The following ATM variants were observed in gnomAD, a reference collection of about 807,000 sequenced individuals.
ATM encodes ATM serine/threonine kinase.
In ATM, 308 loss-of-function variants were observed where a neutral mutation model predicts 387.0. That is an observed-to-expected ratio of 0.80 (90% confidence interval 0.73 to 0.87). The LOEUF (loss-of-function observed/expected upper bound fraction) is 0.87, where lower values mean the gene tolerates loss of function less well. Ranked by LOEUF, ATM falls within the 40% of genes least tolerant of loss-of-function variation. The pLI, the probability that ATM is intolerant of heterozygous loss-of-function variation, is 0.00. For synonymous variants in ATM, 1,156 were observed against 1,187.3 expected, an observed-to-expected ratio of 0.97 and a Z score of 0.54; for missense variants, 3,312 against 3,560.9, an observed-to-expected ratio of 0.93 and a Z score of 1.78.
At chr11:108,351,918 G>A (rs907236738) in intron 59 of ATM, among the ~76,000 whole-genome samples, 7 of 151,900 alleles carry the variant, frequency 4.6e-5, no homozygotes, top group Non-Finnish European at 8.8e-5. Context: ...GGACATATCC[G>A]GGGAACCTGG....
intron 56 of ATM, 34 bp from the exon 57 acceptor site, chr11:108,343,188 T>A: frequency 6.2e-7 from 1 of 1,613,614 alleles, no homozygotes; most frequent in Non-Finnish European, 8.5e-7. Context: ...TAATGGCCTT[T>A]TAAAATTAAA....
At chr11:108,338,093 A>T (rs185493897) in intron 56 of ATM, among the ~76,000 whole-genome samples, 1 of 152,398 alleles carries the variant, frequency 6.6e-6, no homozygotes, top group East Asian at 1.9e-4. Context: ...CCACGCCTGT[A>T]ATCCCAGTAC....
intron 22 of ATM, among the ~76,000 whole-genome samples, chr11:108,275,631 G>A (rs2081902220): frequency 6.6e-6 from 1 of 152,138 alleles, no homozygotes; most frequent in Non-Finnish European, 1.5e-5. Context: ...AGCTTAGTTT[G>A]GCTGGATATG....
intron 5 of ATM, among the ~76,000 whole-genome samples, chr11:108,240,215 AT>A (rs201137199): frequency 5.1e-4 from 78 of 151,540 alleles, no homozygotes; most frequent in African/African-American, 1.8e-3. Flanking sequence ...AGATGGTCAT[AT>A]TTTTTTTTCC....
In ATM at chr11:108,334,931, A is replaced by G. The variant is rs200440370; in HGVS notation, c.8011-38A>G. ...ATTTTTCTTTAAGTGCAAATAGTGT[A>G]TCTGACCTATTATCAATCATGTTTA... On this transcript the variant is annotated intron_variant, in intron 54 of 62. Coordinates refer to ENST00000675843, the MANE Select transcript of ATM (RefSeq NM_000051.4). The G allele has an allele frequency of 3.7e-4, 591 of 1,590,306 alleles. 3 individuals are homozygous for G. In the African/African-American group the frequency reaches 6.8e-3, roughly 18 times the overall value.
chr11:108,315,650 G>A (rs761075382), intron 40 of ATM, among the ~76,000 whole-genome samples, 173 bp from the exon 41 acceptor site: 7 of 151,872 alleles, frequency 4.6e-5, no homozygotes, highest in South Asian at 2.1e-4. Context: ...GTTCAAACTC[G>A]TGTTGTTTGA....
At chr11:108,248,884 G>A (rs779483845) in intron 8 of ATM, 49 bp from the exon 9 acceptor site, 9 of 1,436,624 alleles carry the variant, frequency 6.3e-6, no homozygotes, top group Non-Finnish European at 3.8e-6. Flanking sequence ...GCGAAACTCT[G>A]GCTCAAAAAA....
Position 108,244,966 on chromosome 11 carries a change from G to A in ATM, c.841G>A (p.Glu281Lys), listed in dbSNP as rs1591504491. The part of the protein sequence containing the change: ...LNDSLKEVII[E>K]LFQLQIYIHH... The stretch of plus-strand genomic sequence containing the variant: ...TGATTCTTTAAAAGAAGTCATTATT[G>A]AATTATTTCAACTGCAAATTTATAT... The change falls in exon 7 of 63, where the codon GAA becomes AAA. Residue 281 changes from glutamate to lysine, a missense_variant. By Grantham distance (56) the Glu-to-Lys change is moderately conservative. Around this residue, in one of 4 missense-constraint regions of ATM, gnomAD observed 1,791 missense variants for 1,804.5 expected, o/e 0.99. Transcript: ENST00000675843. 6.2e-7 allele frequency: 1 copy of A among 1,612,990 alleles called. No individual in the cohort carries two copies.
At chr11:108,347,704 G>A (rs1430673741) in intron 59 of ATM, among the ~76,000 whole-genome samples, 2 of 152,154 alleles carry the variant, frequency 1.3e-5, no homozygotes, top group African/African-American at 4.8e-5. Flanking sequence ...TGTTGTGGGA[G>A]TGGTGAGACA....
In ATM at chr11:108,292,759, C is replaced by T. The variant is rs770590652; in HGVS notation, c.4577C>T (p.Pro1526Leu). The change falls in exon 30 of 63, where the codon CCC becomes CTC. Residue 1526 changes from proline (P) to leucine (L), a missense_variant. Pro to Leu is a moderately conservative substitution (Grantham distance 98). Around this residue, in one of 4 missense-constraint regions of ATM, gnomAD observed 1,791 missense variants for 1,804.5 expected, o/e 0.99. Transcript: ENST00000675843. The part of the protein sequence containing the change: ...HLHVIVGTLI[P>L]LVYEQVEVQK... ...CATGTTATTGTTGGTACACTTATACCCCTTGTGTATGAGCAGGTGGAGGTT... is the reference window on the plus strand; with the variant it reads ...CATGTTATTGTTGGTACACTTATACTCCTTGTGTATGAGCAGGTGGAGGTT... The T allele has an allele frequency of 1.9e-6, 3 of 1,613,854 alleles. No individual in the cohort carries two copies. Among genetic ancestry groups the T allele is most frequent in the East Asian group, 2.2e-5 (1 of 44,844 alleles).
intron 10 of ATM, 73 bp from the exon 11 acceptor site, chr11:108,251,764 C>T: frequency 1.4e-6 from 2 of 1,401,696 alleles, no homozygotes; most frequent in Non-Finnish European, 2.0e-6. Flanking sequence ...ATGTGCCAGG[C>T]ACTGTCCTGA....
Position 108,338,960 on chromosome 11 carries a change from T to G in ATM, c.8268+2999T>G, listed in dbSNP as rs184252664. 4.2e-3 allele frequency among the ~76,000 whole-genome samples: 638 copies of G among 152,292 alleles called. 3 individuals are homozygous for G. Among genetic ancestry groups the G allele is most frequent in the Non-Finnish European group, 7.3e-3 (494 of 68,018 alleles). On this transcript the variant is annotated intron_variant, in intron 56 of 62. Transcript: ENST00000675843. The stretch of plus-strand genomic sequence containing the variant: ...CTGAGATTCAGGTCTTCTGTGGTCA[T>G]TGTGTCAACAAGAGCATACATTGAC...
rs1479478300 is a variant in ATM, at chr11:108,227,852, A to G, written c.149A>G (p.Lys50Arg). 3 of 1,613,432 alleles carry G rather than the reference A, an allele frequency of 1.9e-6. No homozygotes were observed. The Admixed American group carries it at 5.0e-5, about 27-fold the overall frequency. The change falls in exon 3 of 63, where the codon AAA becomes AGA. Residue 50 changes from lysine to arginine, a missense_variant. Physicochemically the swap from Lys to Arg is conservative, Grantham distance 26. Around this residue, in one of 4 missense-constraint regions of ATM, gnomAD observed 1,791 missense variants for 1,804.5 expected, o/e 0.99. Coordinates refer to ENST00000675843, the MANE Select transcript of ATM (RefSeq NM_000051.4). ...CATCTAGATCGGCATTCAGATTCCA[A>G]ACAAGGAAAATATTTGAATTGGGAT... ...IKHLDRHSDS[K>R]QGKYLNWDAV... is the part of the protein sequence containing the mutation.
chr11:108,367,939 GC>G lies in ATM; in HGVS notation c.*2434del, dbSNP rs2091418075. On this transcript the variant is annotated 3_prime_UTR_variant, in exon 63 of 63. Coordinates refer to ENST00000675843, the MANE Select transcript of ATM (RefSeq NM_000051.4). ...GTAAACTTAAAATGTCTTTAAGAAA[GC>G]CCTGAAATCTTCATGGGTGAAATTA... 4.9e-6 allele frequency: 1 copy of G among 205,760 alleles called. No homozygotes were observed. Among genetic ancestry groups the G allele is most frequent in the East Asian group, 7.5e-5 (1 of 13,324 alleles). The allele number at this position is 205,760 out of a possible 1,614,324, so 12.7% of individuals were successfully genotyped here.
chr11:108,319,313 T>C (rs2085016399), intron 43 of ATM, among the ~76,000 whole-genome samples: 2 of 152,230 alleles, frequency 1.3e-5, no homozygotes. Context: ...AATCAATATA[T>C]ACTATTCTTC....
chr11:108,288,968 C>G lies in ATM; in HGVS notation c.4110-9C>G, dbSNP rs730881367. ...ACGATGACTGTATTTTTTCCCTTAACTCTGTTAGGGATTTGGATCCTGCTC... is the reference window on the plus strand; with the variant it reads ...ACGATGACTGTATTTTTTCCCTTAAGTCTGTTAGGGATTTGGATCCTGCTC... On this transcript the variant is annotated splice_polypyrimidine_tract_variant and intron_variant, in intron 27 of 62. Coordinates refer to ENST00000675843, the MANE Select transcript of ATM (RefSeq NM_000051.4). 1.2e-6 allele frequency: 2 copies of G among 1,613,234 alleles called. No homozygotes were observed. Among genetic ancestry groups the G allele is most frequent in the Non-Finnish European group, 8.5e-7 (1 of 1,179,622 alleles).
At chr11:108,293,681 T>G (rs541443495) in intron 31 of ATM, among the ~76,000 whole-genome samples, 108 of 150,614 alleles carry the variant, frequency 7.2e-4, no homozygotes, top group African/African-American at 2.4e-3. Context: ...AGCCCAGGAG[T>G]TCAAGACCAG....
chr11:108,332,117 T>A (rs2136535591), intron 52 of ATM, 80 bp downstream of exon 52: 1 of 1,546,742 alleles, frequency 6.5e-7, no homozygotes, highest in South Asian at 1.2e-5. Flanking sequence ...AAATCTTGTG[T>A]TATTAAGATG....
intron 5 of ATM, 89 bp downstream of exon 5, chr11:108,235,923 C>T (rs1179875508): frequency 5.0e-6 from 7 of 1,409,362 alleles, no homozygotes; most frequent in East Asian, 2.3e-5. Flanking sequence ...TGTCTATATC[C>T]CCCAAGTGAC....
Sources: gnomAD v4.1 joint callset for allele counts (sites outside exome capture counted in the v4.1 genomes callset) on GRCh38, gnomAD v4.1.1 for gene constraint, gnomAD v4.1.1 regional missense constraint, MANE v1.5 for transcripts, NCBI Gene and HGNC (gene_info 2026-07-23, HGNC 2026-07-21) for gene names.